Variants in SERPINE2 observed in about 807,000 individuals in gnomAD.
SERPINE2 encodes the protein serpin family E member 2, also known as glia-derived nexin.
Under a neutral mutation model 36.3 loss-of-function variants are expected in SERPINE2, and 14 were observed. The ratio of observed to expected loss-of-function variants is 0.39; its 90% CI spans 0.25 to 0.60. SERPINE2 has a LOEUF of 0.60. SERPINE2 is among the 20% of genes least tolerant of loss of function. The probability of loss-of-function intolerance (pLI) is 0.57; values close to 1 mark genes in which losing one functional copy is unlikely to be tolerated. For synonymous variants in SERPINE2, 192 were observed against 191.8 expected (o/e 1.00, Z -0.01); for missense variants, 418 against 499.6 (o/e 0.84, Z 1.56).
At chr2:224,008,019 A>T (rs953271312) in intron 1 of SERPINE2, among the ~76,000 whole-genome samples, 2 of 152,248 alleles carry the variant, frequency 1.3e-5, no homozygotes, top group Non-Finnish European at 2.9e-5. Flanking sequence ...CCCGGCTGCA[A>T]GAGAGACGGT....
At chr2:224,009,708 C>T (rs1691558704) in intron 1 of SERPINE2, among the ~76,000 whole-genome samples, 1 of 151,408 alleles carries the variant, frequency 6.6e-6, no homozygotes, top group Non-Finnish European at 1.5e-5. Flanking sequence ...AAAAAAACAA[C>T]AACAAAACAA....
Position 224,001,748 on chromosome 2 carries a change from G to A in SERPINE2, c.153C>T (p.Ile51=), listed in dbSNP as rs3795875. 3.5e-5 allele frequency: 57 copies of A among 1,614,124 alleles called. No homozygotes were observed. Among genetic ancestry groups the A allele is most frequent in the South Asian group, 1.8e-4 (16 of 91,074 alleles). The change falls in exon 2 of 9, where the codon ATC becomes ATT. Residue 51 remains isoleucine, a synonymous_variant. Coordinates refer to ENST00000409304, the MANE Select transcript of SERPINE2 (RefSeq NM_001136528.2). ...ACGCAATCCCATGGGGAGAGATCAC[G>A]ATGTTGTCATGAGGCCTCGACTTCA... ...QIVKSRPHDN[I]VISPHGIASV...
At chr2:223,975,938 G>A (rs1288150735) in intron 8 of SERPINE2, 34 bp from the exon 9 acceptor site, 2 of 1,559,920 alleles carry the variant, frequency 1.3e-6, no homozygotes, top group African/African-American at 2.7e-5. Flanking sequence ...GCATGACTCT[G>A]TAAATTAATA....
chr2:224,031,255 G>GT, intron 1 of SERPINE2: 1 of 845,458 alleles, frequency 1.2e-6, no homozygotes. Context: ...CATACAGGCT[G>GT]TGTGACCCCC....
At chr2:224,037,876 T>C (rs192874251) in intron 1 of SERPINE2, among the ~76,000 whole-genome samples, 1,624 of 152,334 alleles carry the variant, frequency 0.011, 24 homozygotes, top group African/African-American at 0.036. Context: ...CATGGTACGA[T>C]ATTTTCAAAC....
chr2:223,989,586 A>G (rs1458699279), intron 4 of SERPINE2, among the ~76,000 whole-genome samples: 1 of 152,182 alleles, frequency 6.6e-6, no homozygotes, highest in East Asian at 1.9e-4. Context: ...TCTTATCATG[A>G]TAAGCTGGGT....
chr2:224,010,498 G>A (rs1259363859), intron 1 of SERPINE2: 2 of 285,246 alleles, frequency 7.0e-6, no homozygotes, highest in Non-Finnish European at 1.1e-5. Flanking sequence ...AAAGGCTAGG[G>A]GGAAGGAGGG....
intron 7 of SERPINE2, chr2:223,978,517 G>A (rs1460491072): frequency 6.6e-6 from 1 of 152,238 alleles, no homozygotes; most frequent in Non-Finnish European, 1.5e-5. Flanking sequence ...CATCTGACTT[G>A]GAAAGCAAAC....
intron 1 of SERPINE2, among the ~76,000 whole-genome samples, chr2:224,002,228 C>T (rs1418983368): frequency 2.0e-5 from 3 of 152,112 alleles, no homozygotes; most frequent in Non-Finnish European, 2.9e-5. Context: ...CTGCCTGACT[C>T]AGCCTCCCAA....
intron 1 of SERPINE2, among the ~76,000 whole-genome samples, chr2:224,020,533 T>C (rs1691961798): frequency 6.6e-6 from 1 of 152,164 alleles, no homozygotes; most frequent in South Asian, 2.1e-4. Flanking sequence ...CTTCAACTAA[T>C]ATAATATGCT....
intron 1 of SERPINE2, among the ~76,000 whole-genome samples, chr2:224,002,177 A>G (rs1283936313): frequency 6.6e-6 from 1 of 152,008 alleles, no homozygotes; most frequent in Non-Finnish European, 1.5e-5. Context: ...GGATTTCACC[A>G]TGTTGGCCAG....
intron 1 of SERPINE2, among the ~76,000 whole-genome samples, chr2:224,026,629 T>C (rs188803157): frequency 2.0e-5 from 3 of 152,308 alleles, no homozygotes; most frequent in East Asian, 1.9e-4. Flanking sequence ...AATTTTTTGC[T>C]TCAGACACAG....
chr2:224,022,813 G>A (rs1267294043), intron 1 of SERPINE2, among the ~76,000 whole-genome samples: 1 of 152,176 alleles, frequency 6.6e-6, no homozygotes, highest in African/African-American at 2.4e-5. Context: ...TAATCCCCCT[G>A]TGCCAAGGGC....
chr2:224,027,933 A>C (rs1248385311), intron 1 of SERPINE2, among the ~76,000 whole-genome samples: 4 of 152,198 alleles, frequency 2.6e-5, no homozygotes, highest in Non-Finnish European at 4.4e-5. Flanking sequence ...ATACATTAAG[A>C]ACAAGTCTTG....
chr2:223,983,190 A>G (rs547202208), intron 5 of SERPINE2, among the ~76,000 whole-genome samples: 1 of 152,214 alleles, frequency 6.6e-6, no homozygotes, highest in Non-Finnish European at 1.5e-5. Flanking sequence ...CTGCTCTAAG[A>G]CCTGCCATCC....
intron 1 of SERPINE2, among the ~76,000 whole-genome samples, chr2:224,018,005 T>C (rs1691858694): frequency 2.0e-5 from 3 of 152,228 alleles, no homozygotes; most frequent in Non-Finnish European, 1.5e-5. Context: ...TTCTTTGTTA[T>C]TAGAGGGAGT....
At chr2:223,977,912 A>C (rs1574805324) in intron 7 of SERPINE2, 1 of 338,610 alleles carries the variant, frequency 3.0e-6, no homozygotes, top group East Asian at 5.4e-5. Flanking sequence ...TAAATGACAT[A>C]ATTAAATGAC....
intron 1 of SERPINE2, among the ~76,000 whole-genome samples, chr2:224,018,531 G>C (rs1311630197): frequency 6.6e-6 from 1 of 151,386 alleles, no homozygotes. Context: ...TGGAAGATGA[G>C]GTAATCCAGG....
At chr2:223,977,010 C>T (rs1217198811) in intron 8 of SERPINE2, among the ~76,000 whole-genome samples, 1 of 152,142 alleles carries the variant, frequency 6.6e-6, no homozygotes, top group Non-Finnish European at 1.5e-5. Context: ...AGGGGTTTCC[C>T]ACTTCACTCG....
Sources: gnomAD v4.1 joint callset for allele counts (sites outside exome capture counted in the v4.1 genomes callset) on GRCh38, gnomAD v4.1.1 for gene constraint, MANE v1.5 for transcripts, NCBI Gene and HGNC (gene_info 2026-07-23, HGNC 2026-07-21) for gene names.